ACP3: variants seen among roughly 807,000 people sequenced by gnomAD.
ACP3 encodes the protein acid phosphatase 3.
A neutral mutation model predicts 45.6 loss-of-function variants in ACP3; 38 were observed. The ratio of observed to expected loss-of-function variants is 0.83; its 90% confidence interval spans 0.64 to 1.09. The LOEUF (loss-of-function observed/expected upper bound fraction) is 1.09, where lower values mean the gene tolerates loss of function less well. Among genes scored for constraint, ACP3 ranks in the 50% least tolerant of loss-of-function variants. ACP3 has a pLI of 0.00. For synonymous variants in ACP3, 162 were observed against 164.7 expected (o/e 0.98, Z 0.13); for missense variants, 466 against 463.2 (o/e 1.01, Z -0.05).
In ACP3 at chr3:132,350,019, T is replaced by A; in HGVS notation, c.864+17T>A. 6.6e-7 allele frequency: 1 copy of A among 1,524,776 alleles called. No individual in the cohort carries two copies. The highest frequency in any genetic ancestry group is 9.1e-7 in the Non-Finnish European group (1 of 1,098,822). The allele number at this position is 1,524,776 out of a possible 1,614,324, so 94.5% of individuals were successfully genotyped here. A position where few individuals can be genotyped will look rare whatever the true frequency, so the allele number is the denominator to read the frequency against. On this transcript the variant is annotated intron_variant, in intron 8 of 9. Coordinates refer to ENST00000336375, the MANE Select transcript of ACP3 (RefSeq NM_001099.5). ...TATTCTGCGGTAAGTATTTTCATCT[T>A]CATTTAACATATGTTTGTTCAAGTG...
chr3:132,332,303 C>T lies in ACP3; in HGVS notation c.415C>T (p.Gln139Ter). The T allele has an allele frequency of 6.8e-6, 11 of 1,614,140 alleles. No individual in the cohort carries two copies. The highest frequency in any genetic ancestry group is 8.5e-6 in the Non-Finnish European group (10 of 1,179,996). ...CATCTGGAATCCTATCCTACTCTGG[C>T]AGCCCATCCCGGTGCACACAGTTCC... The part of the protein sequence containing the change: ...VSIWNPILLW[Q>*]PIPVHTVPLS... The change falls in exon 4 of 10, where the codon CAG (glutamine) becomes TAG (stop). Residue 139 changes from glutamine to a stop codon, truncating the protein, a stop_gained. Coordinates refer to ENST00000336375, the MANE Select transcript of ACP3 (RefSeq NM_001099.5). LOFTEE classifies it high-confidence loss of function.
chr3:132,352,836 G>A lies in ACP3; in HGVS notation c.968+13G>A. 2 of 1,565,282 alleles carry A rather than the reference G, an allele frequency of 1.3e-6. No individual in the cohort carries two copies. Among genetic ancestry groups the A allele is most frequent in the East Asian group, 2.2e-5 (1 of 44,628 alleles). ...ACTTTGAGAAGGGGTAAGTGACTAA[G>A]TGCTTTTCAAAATCAGTATCACTGG... On this transcript the variant is annotated intron_variant, in intron 9 of 9. Transcript: ENST00000336375.
chr3:132,330,320 A>G (rs1017102946), intron 2 of ACP3, among the ~76,000 whole-genome samples: 1 of 152,178 alleles, frequency 6.6e-6, no homozygotes, highest in Non-Finnish European at 1.5e-5. Flanking sequence ...TTTAATCTGC[A>G]TAATCATAAG....
In ACP3 at chr3:132,358,194, C is replaced by A. The variant is rs1030037614; in HGVS notation, c.*1316C>A. 2 of 1,039,292 alleles carry A rather than the reference C, an allele frequency of 1.9e-6. No homozygotes were observed. The highest frequency in any genetic ancestry group is 2.4e-6 in the Non-Finnish European group (2 of 847,650). The allele number at this position is 1,039,292 out of a possible 1,614,324, so 64.4% of individuals were successfully genotyped here. A position where few individuals can be genotyped will look rare whatever the true frequency, so the allele number is the denominator to read the frequency against. ...CACTTTAGGCCTGGTGTGTTCAAGA[C>A]CAGCCTGGTCAACATAGTGAGACAC... On this transcript the variant is annotated 3_prime_UTR_variant, in exon 10 of 10. Coordinates refer to ENST00000336375, the MANE Select transcript of ACP3 (RefSeq NM_001099.5).
chr3:132,352,650 C>A, intron 8 of ACP3, 70 bp from the exon 9 acceptor site: 1 of 1,002,914 alleles, frequency 1.0e-6, no homozygotes, highest in Non-Finnish European at 1.6e-6. Context: ...CATCATGGTG[C>A]TGTACAAGTG....
At position 132,358,244 on chromosome 3, in the gene ACP3, A is replaced by G. The variant is rs529581127; in HGVS notation, c.*1366A>G. The G allele has an allele frequency of 5.1e-4, 578 of 1,123,192 alleles. No homozygotes were observed. The highest frequency in any genetic ancestry group is 5.8e-4 in the Non-Finnish European group (528 of 905,260). The allele number at this position is 1,123,192 out of a possible 1,614,324, so 69.6% of individuals were successfully genotyped here. A position where few individuals can be genotyped will look rare whatever the true frequency, so the allele number is the denominator to read the frequency against. On this transcript the variant is annotated 3_prime_UTR_variant, in exon 10 of 10. Coordinates refer to ENST00000336375, the MANE Select transcript of ACP3 (RefSeq NM_001099.5). ...CTGTCTCTACCAAAAAAAGGAAGGA[A>G]GGGACACATATCAAACTGAAACAAA... is the stretch of plus-strand genomic sequence containing the variant.
chr3:132,336,582 A>T (rs1216616350), intron 4 of ACP3, among the ~76,000 whole-genome samples: 1 of 152,176 alleles, frequency 6.6e-6, no homozygotes, highest in Non-Finnish European at 1.5e-5. Context: ...AATATGATAG[A>T]GGCTGGGGAA....
At chr3:132,349,599 G>A (rs1937672084) in intron 7 of ACP3, among the ~76,000 whole-genome samples, 1 of 152,138 alleles carries the variant, frequency 6.6e-6, no homozygotes. Flanking sequence ...CCTAACCTGA[G>A]CTTTAACAAA....
chr3:132,343,575 T>C (rs1462273677), intron 6 of ACP3, among the ~76,000 whole-genome samples: 1 of 152,208 alleles, frequency 6.6e-6, no homozygotes, highest in Non-Finnish European at 1.5e-5. Flanking sequence ...TATTCCAAAA[T>C]GTGGTCATGT....
intron 3 of ACP3, 95 bp from the exon 4 acceptor site, chr3:132,332,097 G>C (rs1299431012): frequency 3.0e-6 from 4 of 1,315,542 alleles, no homozygotes; most frequent in Non-Finnish European, 4.3e-6. Flanking sequence ...TTTCACTGTG[G>C]GTGTCCTTTC....
At chr3:132,328,679 CAAAAAA>C (rs553521994) in intron 2 of ACP3, among the ~76,000 whole-genome samples, 1 of 70,258 alleles carries the variant, frequency 1.4e-5, no homozygotes, top group Non-Finnish European at 2.7e-5. Context: ...AACTCTATCT[CAAAAAA>C]AAAAAAAAAA....
intron 3 of ACP3, 121 bp downstream of exon 3, chr3:132,331,854 A>T: frequency 1.1e-6 from 1 of 928,814 alleles, no homozygotes; most frequent in Non-Finnish European, 1.6e-6. Context: ...TCTTGTTTAC[A>T]AATATATTCC....
chr3:132,318,165 C>T (rs1388448671), intron 1 of ACP3, among the ~76,000 whole-genome samples: 1 of 152,058 alleles, frequency 6.6e-6, no homozygotes, highest in African/African-American at 2.4e-5. Context: ...GTGGCTGATG[C>T]ATAATATCAA....
At chr3:132,350,617 G>A (rs1576424404) in intron 8 of ACP3, among the ~76,000 whole-genome samples, 1 of 152,158 alleles carries the variant, frequency 6.6e-6, no homozygotes, top group Admixed American at 6.6e-5. Flanking sequence ...CTACTGAATT[G>A]GAGAGCACAG....
chr3:132,358,507 A>T lies in ACP3; in HGVS notation c.*1629A>T, dbSNP rs149159018. 1.6e-6 allele frequency: 2 copies of T among 1,236,194 alleles called. No homozygotes were observed. The highest frequency in any genetic ancestry group is 3.1e-5 in the African/African-American group (2 of 65,046). The allele number at this position is 1,236,194 out of a possible 1,614,324, so 76.6% of individuals were successfully genotyped here. A position where few individuals can be genotyped will look rare whatever the true frequency, so the allele number is the denominator to read the frequency against. Reference sequence around the variant, plus strand: ...ACATGTCTAGAGAACACTGTGCTCTATTACCATTATGGATAAAGATGAGAT... The same window carrying T: ...ACATGTCTAGAGAACACTGTGCTCTTTTACCATTATGGATAAAGATGAGAT... On this transcript the variant is annotated 3_prime_UTR_variant, in exon 10 of 10. Coordinates refer to ENST00000336375, the MANE Select transcript of ACP3 (RefSeq NM_001099.5).
At chr3:132,345,714 C>T (rs1434048561) in intron 7 of ACP3, among the ~76,000 whole-genome samples, 1 of 152,184 alleles carries the variant, frequency 6.6e-6, no homozygotes, top group Admixed American at 6.5e-5. Flanking sequence ...TTAGAACTGG[C>T]TCTTCGTAGC....
chr3:132,326,347 T>C (rs926687899), intron 1 of ACP3, among the ~76,000 whole-genome samples: 2 of 152,316 alleles, frequency 1.3e-5, no homozygotes, highest in South Asian at 2.1e-4. Flanking sequence ...TTACCTGGGA[T>C]ATAAAAACTC....
At chr3:132,332,427 G>A in intron 4 of ACP3, 83 bp downstream of exon 4, 1 of 1,456,378 alleles carries the variant, frequency 6.9e-7, no homozygotes, top group Admixed American at 1.8e-5. Context: ...GGATTTGGGA[G>A]TCTGGACACT....
chr3:132,337,222 G>A lies in ACP3; in HGVS notation c.457-234G>A. ...CAACAGCTCAGTTATATTATGGCAA[G>A]TTTATGAATGAAAAAAAAGGATTTT... On this transcript the variant is annotated intron_variant, in intron 4 of 9. Transcript: ENST00000336375. The A allele has an allele frequency of 8.5e-6, 3 of 351,030 alleles. 1 individual carries two copies. 21.7% of individuals were successfully genotyped at this position (351,030 alleles called of 1,614,324 possible).
Sources: allele counts gnomAD v4.1 joint callset (sites outside exome capture counted in the v4.1 genomes callset), GRCh38; gene constraint gnomAD v4.1.1; transcripts MANE v1.5; gene names NCBI Gene and HGNC (gene_info 2026-07-23, HGNC 2026-07-21).